The following CMSS1 variants were observed in gnomAD, a reference collection of about 807,000 sequenced individuals.
CMSS1 encodes the protein protein CMSS1.
In CMSS1, 33 loss-of-function variants were observed where a neutral mutation model predicts 43.5. The ratio of observed to expected loss-of-function variants is 0.76; its 90% CI spans 0.57 to 1.01. The LOEUF is 1.01. Ranked by LOEUF, CMSS1 falls within the 50% of genes least tolerant of loss-of-function variation. CMSS1 has a pLI of 0.00. For missense variants in CMSS1, 313 were observed against 326.4 expected (o/e 0.96, Z 0.32); for synonymous variants, 115 against 117.2 (o/e 0.98, Z 0.12).
chr3:100,163,230 G>GC (rs2067040251), intron 4 of CMSS1, among the ~76,000 whole-genome samples: 1 of 152,170 alleles, frequency 6.6e-6, no homozygotes, highest in Non-Finnish European at 1.5e-5. Flanking sequence ...TAAAAGTATG[G>GC]ATGTGAAACA....
rs571463954 is a variant in CMSS1 at position 99,848,929 on chromosome 3, G to C, written c.64+30886G>C. On this transcript the variant is annotated intron_variant, in intron 1 of 9. Transcript: ENST00000421999. ...TGTGGTTGGACTTGTGATTTCAAGA[G>C]TGGCTGTGTTTTGTACATGGTCTGG... 1.1e-5 allele frequency: 17 copies of C among 1,614,174 alleles called. No individual in the cohort carries two copies. The East Asian group carries it at 1.8e-4, about 17-fold the overall frequency.
At chr3:99,923,813 C>T (rs1459194037) in intron 1 of CMSS1, among the ~76,000 whole-genome samples, 1 of 152,256 alleles carries the variant, frequency 6.6e-6, no homozygotes, top group East Asian at 1.9e-4. Context: ...TTCCTTTTCT[C>T]ATCCTACAAT....
At chr3:100,014,885 TTC>T (rs1198501249) in intron 1 of CMSS1, among the ~76,000 whole-genome samples, 2 of 126,220 alleles carry the variant, frequency 1.6e-5, no homozygotes, top group African/African-American at 5.6e-5. Context: ...TTTTTTTTTT[TTC>T]TTTCTTTCTT....
intron 1 of CMSS1, among the ~76,000 whole-genome samples, chr3:100,072,412 G>A (rs2065778278): frequency 6.6e-6 from 1 of 152,204 alleles, no homozygotes; most frequent in Non-Finnish European, 1.5e-5. Flanking sequence ...TAACAGAGTT[G>A]TCTCTGGCTG....
At chr3:99,860,009 G>C (rs1192447218) in intron 1 of CMSS1, among the ~76,000 whole-genome samples, 2 of 152,208 alleles carry the variant, frequency 1.3e-5, no homozygotes, top group African/African-American at 2.4e-5. Flanking sequence ...TAGTCAGCAA[G>C]ATCAGTAGAA....
intron 1 of CMSS1, among the ~76,000 whole-genome samples, chr3:100,017,752 C>T (rs1202583190): frequency 6.6e-6 from 1 of 151,928 alleles, no homozygotes; most frequent in Non-Finnish European, 1.5e-5. Flanking sequence ...AAGTGAGACA[C>T]TGTCTCTAAA....
At chr3:99,954,820 T>C (rs1034855387) in intron 1 of CMSS1, among the ~76,000 whole-genome samples, 6 of 151,042 alleles carry the variant, frequency 4.0e-5, no homozygotes, top group African/African-American at 9.7e-5. Context: ...AGCAAGACTC[T>C]GTCTCAAAAA....
At chr3:99,857,655 G>T (rs1253779471) in intron 1 of CMSS1, among the ~76,000 whole-genome samples, 1 of 152,108 alleles carries the variant, frequency 6.6e-6, no homozygotes, top group African/African-American at 2.4e-5. Flanking sequence ...CAGATGCTTG[G>T]TCCATAGAAA....
intron 1 of CMSS1, among the ~76,000 whole-genome samples, chr3:100,115,589 C>A (rs6804609): frequency 2.0e-5 from 1 of 50,888 alleles, no homozygotes; most frequent in Non-Finnish European, 4.2e-5. Flanking sequence ...CTCTCTCTCT[C>A]TCTCTCTCTC....
intron 1 of CMSS1, among the ~76,000 whole-genome samples, chr3:100,014,317 C>A (rs1710254936): frequency 6.6e-6 from 1 of 151,896 alleles, no homozygotes; most frequent in Non-Finnish European, 1.5e-5. Flanking sequence ...ATGTAGATAT[C>A]TTTTCAAGAT....
intron 1 of CMSS1, chr3:99,898,177 G>A (rs1258503617): frequency 6.6e-6 from 1 of 151,976 alleles, no homozygotes; most frequent in South Asian, 2.1e-4. Flanking sequence ...CAATATTTTT[G>A]TTGCATATTT....
intron 1 of CMSS1, among the ~76,000 whole-genome samples, chr3:100,030,635 A>G (rs1021614351): frequency 1.3e-5 from 2 of 152,210 alleles, no homozygotes; most frequent in Admixed American, 6.5e-5. Context: ...ATTTGGAATC[A>G]TGAGTAATCA....
intron 1 of CMSS1, among the ~76,000 whole-genome samples, chr3:100,047,248 G>A (rs957946454): frequency 6.6e-6 from 1 of 152,050 alleles, no homozygotes; most frequent in Admixed American, 6.6e-5. Flanking sequence ...TTCTTCTTTT[G>A]AGAACAATAT....
At chr3:100,040,760 G>A (rs1199860486) in intron 1 of CMSS1, 3 of 152,204 alleles carry the variant, frequency 2.0e-5, no homozygotes, top group African/African-American at 7.2e-5. Context: ...GGTGCTGGGA[G>A]CCATGTGGGA....
At chr3:100,060,886 T>G (rs2065552572) in intron 1 of CMSS1, among the ~76,000 whole-genome samples, 1 of 151,854 alleles carries the variant, frequency 6.6e-6, no homozygotes, top group African/African-American at 2.4e-5. Context: ...AAAAAACAAA[T>G]AGGGCATCTC....
In CMSS1 at chr3:99,894,775, A is replaced by G. The variant is rs1706195883; in HGVS notation, c.64+76732A>G. On this transcript the variant is annotated intron_variant, in intron 1 of 9. Transcript: ENST00000421999. ...ACTCCATTTAGGTAACTGTGATAGTATGGTGATTTTGTAGCACAATAATAG... is the reference window on the plus strand; with the variant it reads ...ACTCCATTTAGGTAACTGTGATAGTGTGGTGATTTTGTAGCACAATAATAG... Among the ~76,000 whole-genome samples the G allele has an allele frequency of 2.0e-5, 3 of 152,304 alleles. No homozygotes were observed. In the South Asian group the frequency reaches 6.2e-4, roughly 32 times the overall value.
intron 1 of CMSS1, among the ~76,000 whole-genome samples, chr3:100,134,277 T>G (rs561127670): frequency 2.6e-5 from 4 of 152,198 alleles, no homozygotes; most frequent in Non-Finnish European, 4.4e-5. Flanking sequence ...ATAGCATTCT[T>G]AACAGAAGTT....
chr3:99,976,647 T>TA (rs534832704), intron 1 of CMSS1, among the ~76,000 whole-genome samples: 502 of 152,168 alleles, frequency 3.3e-3, no homozygotes, highest in Non-Finnish European at 5.4e-3. Context: ...ATCTTTTTTT[T>TA]AAACTGTTTA....
chr3:99,921,873 C>T (rs1381695439), intron 1 of CMSS1, among the ~76,000 whole-genome samples: 1 of 152,182 alleles, frequency 6.6e-6, no homozygotes, highest in Non-Finnish European at 1.5e-5. Context: ...TTTATCCCCA[C>T]TGATCTTTTG....
Sources: gnomAD v4.1 joint callset for allele counts (sites outside exome capture counted in the v4.1 genomes callset) on GRCh38, gnomAD v4.1.1 for gene constraint, MANE v1.5 for transcripts, NCBI Gene and HGNC (gene_info 2026-07-23, HGNC 2026-07-21) for gene names.